Variants in DMRTC1B observed in about 807,000 individuals in gnomAD.
The protein encoded by DMRTC1B is DMRT like family C1B.
chrX:72,820,254 CTCTT>C (rs2054687847), intron 1 of DMRTC1B, among the ~76,000 whole-genome samples: 1 of 50,736 alleles, frequency 2.0e-5, no homozygotes, highest in Non-Finnish European at 3.6e-5. Context: ...GCAGTGTCTC[CTCTT>C]TCTTTCTTGA....
chrX:72,839,421 TAGG>T (rs2054718173), intron 1 of DMRTC1B, among the ~76,000 whole-genome samples: 1 of 113,452 alleles, frequency 8.8e-6, no homozygotes, highest in Non-Finnish European at 1.9e-5. Flanking sequence ...GCTACGTGGT[TAGG>T]CAAGAAAAAA....
chrX:72,818,190 T>C (rs1385759441), intron 1 of DMRTC1B, among the ~76,000 whole-genome samples: 2 of 461 alleles, frequency 4.3e-3, no homozygotes, highest in African/African-American at 4.9e-3. Context: ...TATGAACTTA[T>C]CCATTTCTTC....
intron 1 of DMRTC1B, among the ~76,000 whole-genome samples, chrX:72,815,758 AT>A (rs1424396446): frequency 3.5e-5 from 2 of 57,289 alleles, no homozygotes; most frequent in African/African-American, 7.2e-5. Flanking sequence ...TTATATATAT[AT>A]TTTTTTAAAT....
At chrX:72,841,675 AAAAC>A (rs1457193754) in intron 1 of DMRTC1B, among the ~76,000 whole-genome samples, 3 of 45,464 alleles carry the variant, frequency 6.6e-5, no homozygotes, top group African/African-American at 3.2e-4. Context: ...AAAAAAAAAA[AAAAC>A]AAACAAACAA....
At position 72,807,352 on chromosome X, in the gene DMRTC1B, C is replaced by T. The variant is rs2054661969; in HGVS notation, c.-95+30104C>T. On this transcript the variant is annotated intron_variant, in intron 1 of 6. Coordinates refer to ENST00000334036, the MANE Select transcript of DMRTC1B (RefSeq NM_001386972.1). ...ATGCTAGCTCTCTCCCTTCACAACC[C>T]CACCACCACCAAAGCTGACCACCCC... The T allele has an allele frequency of 8.3e-6, 3 of 361,847 alleles. 1 individual carries two copies. Among genetic ancestry groups the T allele is most frequent in the Non-Finnish European group, 4.5e-6 (1 of 220,620 alleles). 29.8% of individuals were successfully genotyped at this position (361,847 alleles called of 1,213,427 possible).
At chrX:72,807,609 G>C (rs1164117202) in intron 1 of DMRTC1B, 7 of 877,025 alleles carry the variant, frequency 8.0e-6, no homozygotes, top group Middle Eastern at 4.0e-4. Context: ...GTGGACCCTC[G>C]GGAGCCCTGG....
Position 72,814,915 on chromosome X carries a change from C to T in DMRTC1B, c.-94-30127C>T, listed in dbSNP as rs183812058. Among the ~76,000 whole-genome samples the T allele has an allele frequency of 5.0e-4, 5 of 10,047 alleles. 1 individual carries two copies. Among genetic ancestry groups the T allele is most frequent in the African/African-American group, 5.5e-4 (5 of 9,038 alleles). 8.7% of individuals were successfully genotyped at this position (10,047 alleles called of 115,157 possible). On this transcript the variant is annotated intron_variant, in intron 1 of 6. Transcript: ENST00000334036. ...ATTATTTTCCTGTGGTCTTCTATTC[C>T]CTATTTTTTTTTATTTCTGCTCTAA...
intron 1 of DMRTC1B, among the ~76,000 whole-genome samples, chrX:72,820,603 C>T (rs1275376522): frequency 1.0e-5 from 1 of 100,266 alleles, no homozygotes; most frequent in African/African-American, 3.8e-5. Flanking sequence ...CTGCAGGCTC[C>T]GCCCCCTGGG....
chrX:72,820,520 T>C (rs2054690019), intron 1 of DMRTC1B, among the ~76,000 whole-genome samples: 1 of 113,241 alleles, frequency 8.8e-6, no homozygotes, highest in Non-Finnish European at 1.9e-5. Flanking sequence ...TATTTCTTTT[T>C]TTTTTTTTTT....
In DMRTC1B at chrX:72,807,509, C is replaced by T. The variant is rs1473217275; in HGVS notation, c.-95+30261C>T. The T allele has an allele frequency of 4.9e-5, 30 of 615,245 alleles. 1 individual carries two copies. The highest frequency in any genetic ancestry group is 6.0e-5 in the Non-Finnish European group (26 of 435,987). 50.7% of individuals were successfully genotyped at this position (615,245 alleles called of 1,213,427 possible). ...GGGGCATGGAGCATCAGAGGGGGCT[C>T]GGTCACCGTTCACGCCTGTGTCTGT... On this transcript the variant is annotated intron_variant, in intron 1 of 6. Transcript: ENST00000334036.
chrX:72,815,437 A>AT (rs1379829881), intron 1 of DMRTC1B, among the ~76,000 whole-genome samples: 1 of 76,533 alleles, frequency 1.3e-5, no homozygotes, highest in African/African-American at 5.0e-5. Flanking sequence ...CCTCTCGTCC[A>AT]TTTTTTTTCA....
At chrX:72,794,518 G>A (rs1321745445) in intron 1 of DMRTC1B, among the ~76,000 whole-genome samples, 3 of 107,133 alleles carry the variant, frequency 2.8e-5, no homozygotes, top group Admixed American at 1.0e-4. Context: ...GTAATGAGCT[G>A]TACCCTTACA....
intron 1 of DMRTC1B, among the ~76,000 whole-genome samples, chrX:72,839,634 A>T (rs1159661868): frequency 7.3e-5 from 7 of 96,211 alleles, no homozygotes; most frequent in Middle Eastern, 4.7e-3. Flanking sequence ...TACTTTTTTG[A>T]TTTCTGATAT....
chrX:72,815,681 G>GCTATAACAT (rs1469490675), intron 1 of DMRTC1B, among the ~76,000 whole-genome samples: 1 of 79,033 alleles, frequency 1.3e-5, no homozygotes, highest in African/African-American at 5.0e-5. Context: ...TTCTACATAT[G>GCTATAACAT]CTATAACATA....
rs528034350 is a variant in DMRTC1B, at chrX:72,817,876, A to ATGTGTGTG, written c.-94-27132_-94-27125dup. Among the ~76,000 whole-genome samples, 145 of 15,304 alleles carry ATGTGTGTG rather than the reference A, an allele frequency of 9.5e-3. 13 individuals carry two copies. Among genetic ancestry groups the ATGTGTGTG allele is most frequent in the African/African-American group, 0.013 (142 of 10,799 alleles). 13.3% of individuals were successfully genotyped at this position (15,304 alleles called of 115,157 possible). A position where few individuals can be genotyped will look rare whatever the true frequency, so the allele number is the denominator to read the frequency against. On this transcript the variant is annotated intron_variant, in intron 1 of 6. Transcript: ENST00000334036. ...GGCCTATAGTTTTCTGCGTGTGTGT[A>ATGTGTGTG]TGTGTGTGTGTGTGTGTGTGTGTGT...
At chrX:72,807,293 G>A in intron 1 of DMRTC1B, 1 of 335,613 alleles carries the variant, frequency 3.0e-6, no homozygotes, top group Admixed American at 4.9e-5. Context: ...CTGCCTCGAG[G>A]AGGAGGGCAG....
intron 1 of DMRTC1B, among the ~76,000 whole-genome samples, chrX:72,820,617 C>T (rs1328992576): frequency 1.1e-5 from 1 of 87,372 alleles, no homozygotes; most frequent in Admixed American, 1.3e-4. Context: ...CCCTGGGGTT[C>T]ACGCCATTCT....
intron 1 of DMRTC1B, among the ~76,000 whole-genome samples, chrX:72,798,107 A>T (rs2054633228): frequency 5.1e-4 from 2 of 3,931 alleles, no homozygotes; most frequent in African/African-American, 7.0e-4. Flanking sequence ...TATTTTGTTT[A>T]TTTCTGCCCT....
chrX:72,840,125 C>CAA (rs200527014), intron 1 of DMRTC1B, among the ~76,000 whole-genome samples: 9 of 23,114 alleles, frequency 3.9e-4, no homozygotes, highest in African/African-American at 7.2e-4. Context: ...GAAACTCCGT[C>CAA]AAAAAAAAAA....
Sources: gnomAD v4.1 joint callset for allele counts (sites outside exome capture counted in the v4.1 genomes callset) on GRCh38, gnomAD v4.1.1 for gene constraint, MANE v1.5 for transcripts, NCBI Gene and HGNC (gene_info 2026-07-23, HGNC 2026-07-21) for gene names.